The following CXCL11 variants were observed in gnomAD, a reference collection of about 807,000 sequenced individuals.
CXCL11 encodes the protein C-X-C motif chemokine ligand 11.
A neutral mutation model predicts 9.7 loss-of-function variants in CXCL11; 7 were observed. That is an observed-to-expected ratio of 0.72 (90% CI 0.41 to 1.36). CXCL11 has a LOEUF of 1.36. Among genes scored for constraint, CXCL11 ranks in the 40% most tolerant of loss-of-function variants. The pLI is 0.01. For synonymous variants in CXCL11, 35 were observed against 34.4 expected, an observed-to-expected ratio of 1.02 and a Z score of -0.06; for missense variants, 107 against 113.4, an observed-to-expected ratio of 0.94 and a Z score of 0.26.
Position 76,034,816 on chromosome 4 carries a change from T to C in CXCL11, c.262A>G (p.Lys88Glu). The C allele has an allele frequency of 1.3e-6, 2 of 1,555,044 alleles. No homozygotes were observed. Among genetic ancestry groups the C allele is most frequent in the South Asian group, 2.3e-5 (2 of 87,722 alleles). ...KSKQARLIIK[K>E]VERKNF is the part of the protein sequence containing the mutation. ...TTTTAAAAATTCTTTCTTTCAACTT[T>C]CTGGAATAAGAAAACAAGAGTTTTA... The change falls in exon 4 of 4, where the codon AAA becomes GAA. Residue 88 changes from lysine to glutamate, a missense_variant and splice_region_variant. Transcript: ENST00000306621.
intron 3 of CXCL11, 46 bp from the exon 4 acceptor site, chr4:76,034,862 T>C: frequency 6.5e-6 from 10 of 1,529,424 alleles, no homozygotes; most frequent in Non-Finnish European, 9.0e-6. Context: ...CTGTTCTTGT[T>C]TCCCCCAGGA....
In CXCL11 at chr4:76,035,333, A is replaced by G. The variant is rs1433707872; in HGVS notation, c.71T>C (p.Met24Thr). The change falls in exon 2 of 4, where the codon ATG becomes ACG. Residue 24 changes from methionine (M) to threonine (T), a missense_variant. Coordinates refer to ENST00000306621, the MANE Select transcript of CXCL11 (RefSeq NM_005409.5). Reference sequence around the variant, plus strand: ...GCAAAGACAGCGTCCTCTTTTGAACATGGGGAAGCCTAGAATAGATCATAG... The same window carrying G: ...GCAAAGACAGCGTCCTCTTTTGAACGTGGGGAAGCCTAGAATAGATCATAG... The part of the protein sequence containing the change: ...LCATVVQGFP[M>T]FKRGRCLCIG... 3.1e-6 allele frequency: 5 copies of G among 1,613,818 alleles called. No homozygotes were observed. Among genetic ancestry groups the G allele is most frequent in the East Asian group, 2.2e-5 (1 of 44,882 alleles).
Position 76,034,802 on chromosome 4 carries a change from C to A in CXCL11, c.276G>T (p.Lys92Asn), listed in dbSNP as rs1190607116. ...ATATGTTTTGATATTTTTAAAAATT[C>A]TTTCTTTCAACTTTCTGGAATAAGA... ...ARLIIKKVERKNF is the reference protein window; with the variant it reads ...ARLIIKKVERNNF The change falls in exon 4 of 4, where the codon AAG becomes AAT. Residue 92 changes from lysine (K) to asparagine (N), a missense_variant. Transcript: ENST00000306621. The A allele has an allele frequency of 1.9e-6, 3 of 1,552,786 alleles. No individual in the cohort carries two copies. The highest frequency in any genetic ancestry group is 1.4e-5 in the African/African-American group (1 of 73,274).
At chr4:76,035,491 A>G in intron 1 of CXCL11, 149 bp from the exon 2 acceptor site, 2 of 701,992 alleles carry the variant, frequency 2.8e-6, no homozygotes, top group Non-Finnish European at 4.5e-6. Context: ...TTACTGGGAA[A>G]AGTTAAGTAA....
In CXCL11 at chr4:76,034,513, C is replaced by G. The variant is rs899972908; in HGVS notation, c.*280G>C. 3.9e-6 allele frequency: 2 copies of G among 518,428 alleles called. No homozygotes were observed. Among genetic ancestry groups the G allele is most frequent in the Non-Finnish European group, 3.3e-6 (1 of 300,188 alleles). 32.1% of individuals were successfully genotyped at this position (518,428 alleles called of 1,614,324 possible). A position where few individuals can be genotyped will look rare whatever the true frequency, so the allele number is the denominator to read the frequency against. On this transcript the variant is annotated 3_prime_UTR_variant, in exon 4 of 4. Transcript: ENST00000306621. Reference sequence around the variant, plus strand: ...CTTTGTAAACTCCGATGGTAACCAGCCTTTCTTAAGGTAGCTTTTCCTAGA... The same window carrying G: ...CTTTGTAAACTCCGATGGTAACCAGGCTTTCTTAAGGTAGCTTTTCCTAGA...
intron 1 of CXCL11, 117 bp downstream of exon 1, chr4:76,035,810 C>G (rs1734337524): frequency 2.3e-6 from 2 of 888,870 alleles, no homozygotes; most frequent in Admixed American, 4.7e-5. Flanking sequence ...GTAGTAACTT[C>G]TAATCTGTGA....
Position 76,035,764 on chromosome 4 carries a change from T to C in CXCL11, c.61+163A>G, listed in dbSNP as rs146891844. 2.2e-3 allele frequency among the ~76,000 whole-genome samples: 330 copies of C among 152,382 alleles called. 1 individual carries two copies. Among genetic ancestry groups the C allele is most frequent in the Non-Finnish European group, 4.1e-3 (279 of 68,034 alleles). On this transcript the variant is annotated intron_variant, in intron 1 of 3. Coordinates refer to ENST00000306621, the MANE Select transcript of CXCL11 (RefSeq NM_005409.5). ...TTCTAGTTTCAATAATCATCTCTAG[T>C]ATCTTAAACATGTCCACCATTTCTG...
At chr4:76,034,845 A>G (rs1393836950) in intron 3 of CXCL11, 29 bp from the exon 4 acceptor site, 4 of 1,553,336 alleles carry the variant, frequency 2.6e-6, no homozygotes, top group Admixed American at 3.5e-5. Context: ...AGTTTTATTT[A>G]CTTGGGCTGT....
At chr4:76,034,889 G>A in intron 3 of CXCL11, 73 bp from the exon 4 acceptor site, 1 of 1,416,452 alleles carries the variant, frequency 7.1e-7, no homozygotes, top group East Asian at 2.3e-5. Context: ...AAAACATGTA[G>A]TAAGAAGGGG....
chr4:76,036,018 C>CTGCTACTTCAGCTT lies in CXCL11; in HGVS notation c.-32_-31insAAGCTGAAGTAGCA. 2 of 1,609,538 alleles carry CTGCTACTTCAGCTT rather than the reference C, an allele frequency of 1.2e-6. No homozygotes were observed. Among genetic ancestry groups the CTGCTACTTCAGCTT allele is most frequent in the African/African-American group, 2.7e-5 (2 of 74,912 alleles). Reference sequence around the variant, plus strand: ...TTTTTTGCTGTTGCTGCTGGTGCTGCTGCTGCTACTTCAGCTTTGCTGCTC... The same window carrying CTGCTACTTCAGCTT: ...TTTTTTGCTGTTGCTGCTGGTGCTGCTGCTACTTCAGCTTTGCTGCTACTTCAGCTTTGCTGCTC... On this transcript the variant is annotated 5_prime_UTR_variant, in exon 1 of 4. Coordinates refer to ENST00000306621, the MANE Select transcript of CXCL11 (RefSeq NM_005409.5).
intron 1 of CXCL11, among the ~76,000 whole-genome samples, 174 bp downstream of exon 1, chr4:76,035,753 A>G (rs950351806): frequency 6.6e-6 from 1 of 152,244 alleles, no homozygotes; most frequent in South Asian, 2.1e-4. Flanking sequence ...AGTTTCAATA[A>G]TCATCTCTAG....
intron 1 of CXCL11, 48 bp from the exon 2 acceptor site, chr4:76,035,390 A>G (rs199944656): frequency 1.9e-6 from 3 of 1,595,656 alleles, no homozygotes; most frequent in Admixed American, 3.5e-5. Context: ...ATTGCAACAG[A>G]TGGCTGTGGT....
Position 76,035,910 on chromosome 4 carries a change from T to TA in CXCL11, c.61+16dup. 1 of 1,609,396 alleles carries TA rather than the reference T, an allele frequency of 6.2e-7. No individual in the cohort carries two copies. The highest frequency in any genetic ancestry group is 8.5e-7 in the Non-Finnish European group (1 of 1,177,432). On this transcript the variant is annotated intron_variant, in intron 1 of 3. Coordinates refer to ENST00000306621, the MANE Select transcript of CXCL11 (RefSeq NM_005409.5). The stretch of plus-strand genomic sequence containing the variant: ...GAAAAGGAACTTATAGGTTGAGAAA[T>TA]AAAAATTACTGCATACCTTGAACAA...
intron 3 of CXCL11, 77 bp downstream of exon 3, chr4:76,034,970 G>C (rs1734219909): frequency 7.0e-7 from 1 of 1,435,274 alleles, no homozygotes; most frequent in Non-Finnish European, 9.8e-7. Flanking sequence ...TTCTGTAGTT[G>C]TCCACATTAT....
Position 76,034,821 on chromosome 4 carries a change from A to C in CXCL11, c.262-5T>G. 1 of 1,555,260 alleles carries C rather than the reference A, an allele frequency of 6.4e-7. No homozygotes were observed. The highest frequency in any genetic ancestry group is 1.1e-5 in the South Asian group (1 of 87,818). On this transcript the variant is annotated splice_region_variant and splice_polypyrimidine_tract_variant and intron_variant, in intron 3 of 3. Coordinates refer to ENST00000306621, the MANE Select transcript of CXCL11 (RefSeq NM_005409.5). ...AAAATTCTTTCTTTCAACTTTCTGGAATAAGAAAACAAGAGTTTTATTTAC... is the reference window on the plus strand; with the variant it reads ...AAAATTCTTTCTTTCAACTTTCTGGCATAAGAAAACAAGAGTTTTATTTAC...
rs1431333090 is a variant in CXCL11 at position 76,034,795 on chromosome 4, A to T, written c.283T>A (p.Ter95LysextTer6). The T allele has an allele frequency of 1.9e-6, 3 of 1,545,502 alleles. No homozygotes were observed. Among genetic ancestry groups the T allele is most frequent in the South Asian group, 2.3e-5 (2 of 87,412 alleles). ...IIKKVERKNF[*>K] ...GGACTTCATATGTTTTGATATTTTT[A>T]AAAATTCTTTCTTTCAACTTTCTGG... Residue 95 changes from the stop codon to lysine (K), a stop_lost, in exon 4 of 4, where the codon TAA (stop) becomes AAA (lysine). Coordinates refer to ENST00000306621, the MANE Select transcript of CXCL11 (RefSeq NM_005409.5).
chr4:76,035,221 T>G lies in CXCL11; in HGVS notation c.183A>C (p.Glu61Asp). The G allele has an allele frequency of 6.2e-7, 1 of 1,614,126 alleles. No individual in the cohort carries two copies. The highest frequency in any genetic ancestry group is 8.5e-7 in the Non-Finnish European group (1 of 1,179,950). ...TCAGCAAGTTCATTACTTACATCAC[T>G]TCTATTTTGTCACAGTTGTTACTTG... The part of the protein sequence containing the change: ...MYPSNNCDKI[E>D]VIITLKENKG... Residue 61 changes from glutamate (E) to aspartate (D), a missense_variant, in exon 2 of 4, where the codon GAA (glutamate) becomes GAC (aspartate). Glu to Asp is a conservative substitution (Grantham distance 45). Transcript: ENST00000306621.
rs1002509331 is a variant in CXCL11 at position 76,034,202 on chromosome 4, G to A, written c.*591C>T. On this transcript the variant is annotated 3_prime_UTR_variant, in exon 4 of 4. Transcript: ENST00000306621. ...CTCCCTACATATTGATGTGCTACAT[G>A]ATGTTTGGGGAAAGAAGTGTGTATT... is the stretch of plus-strand genomic sequence containing the variant. 3 of 372,186 alleles carry A rather than the reference G, an allele frequency of 8.1e-6. No homozygotes were observed. The highest frequency in any genetic ancestry group is 6.2e-5 in the African/African-American group (3 of 48,104). 23.1% of individuals were successfully genotyped at this position (372,186 alleles called of 1,614,324 possible).
Position 76,034,560 on chromosome 4 carries a change from C to T in CXCL11, c.*233G>A. On this transcript the variant is annotated 3_prime_UTR_variant, in exon 4 of 4. Coordinates refer to ENST00000306621, the MANE Select transcript of CXCL11 (RefSeq NM_005409.5). ...TAGAAATCCATTTAATTGTTGGACT[C>T]CTTTGGGCAGTGGAATTCTGATTGT... The T allele has an allele frequency of 1.8e-6, 1 of 570,024 alleles. No individual in the cohort carries two copies. Among genetic ancestry groups the T allele is most frequent in the Admixed American group, 3.7e-5 (1 of 27,106 alleles). 35.3% of individuals were successfully genotyped at this position (570,024 alleles called of 1,614,324 possible).
Sources: gnomAD v4.1 joint callset for allele counts (sites outside exome capture counted in the v4.1 genomes callset) on GRCh38, gnomAD v4.1.1 for gene constraint, MANE v1.5 for transcripts, NCBI Gene and HGNC (gene_info 2026-07-23, HGNC 2026-07-21) for gene names.